PALMD: variants seen among roughly 807,000 people sequenced by gnomAD.
PALMD encodes the protein paralemmin-like protein.
In PALMD, 42 loss-of-function variants were observed where a neutral mutation model predicts 56.2. The observed-to-expected ratio is 0.75, with a 90% CI of 0.58 to 0.97. PALMD has a LOEUF of 0.97. Ranked by LOEUF, PALMD falls within the 50% of genes least tolerant of loss-of-function variation. PALMD has a pLI of 0.00. For synonymous variants in PALMD, 242 were observed against 222.9 expected, an observed-to-expected ratio of 1.09 and a Z score of -0.76; for missense variants, 660 against 643.8, an observed-to-expected ratio of 1.03 and a Z score of -0.27.
At chr1:99,656,307 A>G (rs1652723909) in intron 1 of PALMD, among the ~76,000 whole-genome samples, 1 of 152,186 alleles carries the variant, frequency 6.6e-6, no homozygotes, top group South Asian at 2.1e-4. Flanking sequence ...ACTTTTACTG[A>G]AATCTGGTAA....
At position 99,667,778 on chromosome 1, in the gene PALMD, A is replaced by G. The variant is rs1228604880; in HGVS notation, c.251+12A>G. On this transcript the variant is annotated intron_variant, in intron 3 of 7. Transcript: ENST00000263174. ...CAAAGTATCCTCAGGTATGGCCCTC[A>G]CTGAGATACTCCACAACTACCTTTA... 1.2e-6 allele frequency: 2 copies of G among 1,610,984 alleles called. No individual in the cohort carries two copies. Among genetic ancestry groups the G allele is most frequent in the Non-Finnish European group, 8.5e-7 (1 of 1,177,452 alleles).
rs1035092706 is a variant in PALMD, at chr1:99,661,127, A to G, written c.46-1192A>G. On this transcript the variant is annotated intron_variant, in intron 1 of 7. Transcript: ENST00000263174. Reference sequence around the variant, plus strand: ...AAACATTTTTGGATCTCCTTCTTCTAAATTACCTTTACAGCTTACTTCTTT... The same window carrying G: ...AAACATTTTTGGATCTCCTTCTTCTGAATTACCTTTACAGCTTACTTCTTT... 2.6e-5 allele frequency among the ~76,000 whole-genome samples: 4 copies of G among 152,346 alleles called. No individual in the cohort carries two copies. The East Asian group carries it at 7.7e-4, about 29-fold the overall frequency.
Position 99,689,583 on chromosome 1 carries a change from T to A in PALMD, c.1323T>A (p.His441Gln). Reference protein sequence around the residue: ...KFLTGYDGIIHAELVVIDDEE... With the variant: ...KFLTGYDGIIQAELVVIDDEE... Reference sequence around the variant, plus strand: ...TGACAGGATATGATGGGATCATCCATGCTGAGCTGGTTGTGATTGATGATG... The same window carrying A: ...TGACAGGATATGATGGGATCATCCAAGCTGAGCTGGTTGTGATTGATGATG... The change falls in exon 7 of 8, where the codon CAT becomes CAA. Residue 441 changes from histidine to glutamine, a missense_variant. Physicochemically the swap from His to Gln is conservative, Grantham distance 24. Transcript: ENST00000263174. The A allele has an allele frequency of 6.2e-7, 1 of 1,613,808 alleles. No homozygotes were observed. The highest frequency in any genetic ancestry group is 1.1e-5 in the South Asian group (1 of 91,066).
intron 1 of PALMD, among the ~76,000 whole-genome samples, chr1:99,655,282 C>A (rs1652696947): frequency 6.6e-6 from 1 of 151,902 alleles, no homozygotes; most frequent in Admixed American, 6.6e-5. Context: ...ATTATTGAGT[C>A]TTAGATGATA....
At chr1:99,654,410 T>A (rs2100854677) in intron 1 of PALMD, among the ~76,000 whole-genome samples, 1 of 152,256 alleles carries the variant, frequency 6.6e-6, no homozygotes, top group East Asian at 1.9e-4. Context: ...TGAAGAAATG[T>A]TTGCATTTTT....
At chr1:99,672,065 G>C (rs955379604) in intron 3 of PALMD, among the ~76,000 whole-genome samples, 2 of 152,014 alleles carry the variant, frequency 1.3e-5, no homozygotes, top group African/African-American at 4.8e-5. Context: ...ACATTTACCT[G>C]AATATTTAAC....
At chr1:99,658,530 G>C (rs1652776995) in intron 1 of PALMD, among the ~76,000 whole-genome samples, 1 of 152,062 alleles carries the variant, frequency 6.6e-6, no homozygotes, top group Non-Finnish European at 1.5e-5. Context: ...CCAGCACTTT[G>C]GGAGGCTGAG....
In PALMD at chr1:99,667,545, G is replaced by A. The variant is rs754851253; in HGVS notation, c.127-97G>A. 4.3e-5 allele frequency: 41 copies of A among 949,972 alleles called. 1 individual carries two copies. The highest frequency in any genetic ancestry group is 4.3e-4 in the South Asian group (29 of 67,950). The allele number at this position is 949,972 out of a possible 1,614,324, so 58.8% of individuals were successfully genotyped here. On this transcript the variant is annotated intron_variant, in intron 2 of 7. Coordinates refer to ENST00000263174, the MANE Select transcript of PALMD (RefSeq NM_017734.5). ...TGACAGAAAATAATTCCTCTTTAACGTGTCACCTATTGAAATTCATAAGAT... is the reference window on the plus strand; with the variant it reads ...TGACAGAAAATAATTCCTCTTTAACATGTCACCTATTGAAATTCATAAGAT...
chr1:99,648,359 C>T (rs991145155), intron 1 of PALMD, among the ~76,000 whole-genome samples: 9 of 152,168 alleles, frequency 5.9e-5, no homozygotes, highest in African/African-American at 1.4e-4. Flanking sequence ...CCCTGGGACA[C>T]GCCAGCTTTC....
intron 3 of PALMD, chr1:99,669,252 A>G (rs535459420): frequency 6.6e-6 from 1 of 152,326 alleles, no homozygotes; most frequent in Admixed American, 6.5e-5. Flanking sequence ...TTTGAAATTA[A>G]CAATTCTTAA....
At chr1:99,667,024 A>T (rs966926349) in intron 2 of PALMD, among the ~76,000 whole-genome samples, 1 of 152,208 alleles carries the variant, frequency 6.6e-6, no homozygotes, top group Admixed American at 6.5e-5. Context: ...GGAGATTCTG[A>T]GAAGAAAGAA....
intron 7 of PALMD, 109 bp downstream of exon 7, chr1:99,689,981 C>T (rs758763203): frequency 1.1e-4 from 102 of 951,836 alleles, no homozygotes; most frequent in Non-Finnish European, 1.4e-4. Flanking sequence ...TAAACTAATA[C>T]GCACTGAGAT....
At chr1:99,690,900 C>T (rs1428825066) in intron 7 of PALMD, among the ~76,000 whole-genome samples, 1 of 152,128 alleles carries the variant, frequency 6.6e-6, no homozygotes, top group Non-Finnish European at 1.5e-5. Flanking sequence ...CAATTACCTA[C>T]ACAATTCAAT....
chr1:99,678,653 C>CA (rs953400462), intron 3 of PALMD, among the ~76,000 whole-genome samples: 22 of 151,782 alleles, frequency 1.4e-4, no homozygotes, highest in Admixed American at 8.5e-4. Context: ...TGGGCTTTCA[C>CA]AAAAAAACTC....
chr1:99,658,449 G>C (rs1652774599), intron 1 of PALMD, among the ~76,000 whole-genome samples: 1 of 151,822 alleles, frequency 6.6e-6, no homozygotes, highest in South Asian at 2.1e-4. Context: ...GGGCAACACA[G>C]AAAGACCTTG....
chr1:99,667,506 T>C (rs1022657502), intron 2 of PALMD, 136 bp from the exon 3 acceptor site: 6 of 744,834 alleles, frequency 8.1e-6, no homozygotes, highest in African/African-American at 5.3e-5. Context: ...ACCAGATTTA[T>C]TCAGGCAAGG....
At chr1:99,675,439 T>C (rs1242160241) in intron 3 of PALMD, among the ~76,000 whole-genome samples, 1 of 152,222 alleles carries the variant, frequency 6.6e-6, no homozygotes, top group Non-Finnish European at 1.5e-5. Flanking sequence ...ATATCTTCAG[T>C]TAACTTGCCA....
chr1:99,693,620 G>A lies in PALMD; in HGVS notation c.1613-399G>A, dbSNP rs115654534. On this transcript the variant is annotated intron_variant, in intron 7 of 7. Transcript: ENST00000263174. The stretch of plus-strand genomic sequence containing the variant: ...AGTTGAATGAGCTGAAAGCAAACAC[G>A]ATCATGAAATAGAGTTTAAGTGTAA... Among the ~76,000 whole-genome samples the A allele has an allele frequency of 5.4e-3, 826 of 152,244 alleles. 3 individuals are homozygous for A. Among genetic ancestry groups the A allele is most frequent in the African/African-American group, 0.017 (693 of 41,540 alleles).
intron 1 of PALMD, among the ~76,000 whole-genome samples, chr1:99,654,180 T>C (rs894078265): frequency 2.6e-5 from 4 of 152,170 alleles, no homozygotes; most frequent in Non-Finnish European, 5.9e-5. Flanking sequence ...TCTCTAGTTT[T>C]CATCTTCAGT....
Sources: allele counts gnomAD v4.1 joint callset (sites outside exome capture counted in the v4.1 genomes callset), GRCh38; gene constraint gnomAD v4.1.1; transcripts MANE v1.5; gene names NCBI Gene and HGNC (gene_info 2026-07-23, HGNC 2026-07-21).